The following TMEM64 variants were observed in gnomAD, a reference collection of about 807,000 sequenced individuals.
TMEM64 encodes the protein transmembrane protein 64.
Under a neutral mutation model 24.5 loss-of-function variants are expected in TMEM64, and 19 were observed. The ratio of observed to expected loss-of-function variants is 0.78; its 90% confidence interval spans 0.54 to 1.14. The LOEUF (loss-of-function observed/expected upper bound fraction) is 1.14, where lower values mean the gene tolerates loss of function less well. Among genes scored for constraint, TMEM64 ranks in the 50% most tolerant of loss-of-function variants. The pLI, the probability that TMEM64 is intolerant of heterozygous loss-of-function variation, is 0.00. For synonymous variants in TMEM64, 262 were observed against 224.7 expected, an observed-to-expected ratio of 1.17 and a Z score of -1.49; for missense variants, 487 against 493.0, an observed-to-expected ratio of 0.99 and a Z score of 0.12.
chr8:90,626,625 C>CTTTTT (rs1223612676), intron 2 of TMEM64, among the ~76,000 whole-genome samples: 4 of 112,536 alleles, frequency 3.6e-5, no homozygotes, highest in African/African-American at 1.3e-4. Flanking sequence ...CTTTTTTTTT[C>CTTTTT]TTTCTTTTTT....
intron 2 of TMEM64, among the ~76,000 whole-genome samples, chr8:90,630,698 T>C (rs1809423762): frequency 6.6e-6 from 1 of 151,330 alleles, no homozygotes; most frequent in African/African-American, 2.4e-5. Context: ...AATAAACATC[T>C]GAAAAAAAAA....
At chr8:90,638,768 T>C (rs925570062) in intron 1 of TMEM64, among the ~76,000 whole-genome samples, 2 of 152,190 alleles carry the variant, frequency 1.3e-5, no homozygotes, top group African/African-American at 4.8e-5. Flanking sequence ...CCATTTTTAA[T>C]CGGATTTTCA....
At chr8:90,636,435 T>C (rs1304703686) in intron 1 of TMEM64, among the ~76,000 whole-genome samples, 1 of 152,158 alleles carries the variant, frequency 6.6e-6, no homozygotes, top group Non-Finnish European at 1.5e-5. Context: ...TTTGTATTTT[T>C]AGTAGAGGCC....
At chr8:90,641,891 CAGCTTTGCAGCAGGTATTAT>C (rs1809610211) in intron 1 of TMEM64, among the ~76,000 whole-genome samples, 1 of 152,174 alleles carries the variant, frequency 6.6e-6, no homozygotes, top group African/African-American at 2.4e-5. Flanking sequence ...TATTTTATCA[CAGCTTTGCAGCAGGTATTAT>C]TAAACACATC....
At chr8:90,640,369 A>G (rs1235478889) in intron 1 of TMEM64, among the ~76,000 whole-genome samples, 1 of 152,238 alleles carries the variant, frequency 6.6e-6, no homozygotes, top group Non-Finnish European at 1.5e-5. Flanking sequence ...AGAACTCAAG[A>G]AAATGAGAAA....
chr8:90,645,669 C>T lies in TMEM64; in HGVS notation c.237G>A (p.Ser79=), dbSNP rs1809687086. The T allele has an allele frequency of 2.0e-6, 3 of 1,516,818 alleles. No individual in the cohort carries two copies. 94.0% of individuals were successfully genotyped at this position (1,516,818 alleles called of 1,614,324 possible). A position where few individuals can be genotyped will look rare whatever the true frequency, so the allele number is the denominator to read the frequency against. ...AGGCCCCGCCCGGCTCCGGCAGCTCCGAAGCCTCGGGCGGACCGTGGCGCT... is the reference window on the plus strand; with the variant it reads ...AGGCCCCGCCCGGCTCCGGCAGCTCTGAAGCCTCGGGCGGACCGTGGCGCT... ...YLERHGPPEA[S]ELPEPGGALA... is the part of the protein sequence containing the mutation. The change falls in exon 1 of 3, where the codon TCG becomes TCA. Residue 79 remains serine (S), a synonymous_variant. Transcript: ENST00000458549. The surrounding 1 kb of genome is among the most constrained non-coding windows in gnomAD (Gnocchi z 4.2).
intron 1 of TMEM64, among the ~76,000 whole-genome samples, chr8:90,632,613 C>A (rs964193802): frequency 5.9e-5 from 9 of 152,218 alleles, no homozygotes; most frequent in Non-Finnish European, 1.3e-4. Flanking sequence ...TGAGCCAGCA[C>A]GCCAGGCCCT....
At chr8:90,628,021 T>A (rs188790402) in intron 2 of TMEM64, among the ~76,000 whole-genome samples, 1 of 152,280 alleles carries the variant, frequency 6.6e-6, no homozygotes, top group African/African-American at 2.4e-5. Context: ...CATCTTTAAG[T>A]GGGACTTTCC....
intron 2 of TMEM64, among the ~76,000 whole-genome samples, chr8:90,629,796 A>G (rs1809412113): frequency 6.6e-6 from 1 of 152,162 alleles, no homozygotes; most frequent in Non-Finnish European, 1.5e-5. Flanking sequence ...AAATATTACA[A>G]AATTTTTCTT....
chr8:90,629,104 T>C (rs1809402260), intron 2 of TMEM64, among the ~76,000 whole-genome samples: 1 of 152,216 alleles, frequency 6.6e-6, no homozygotes, highest in East Asian at 1.9e-4. Context: ...GCTCTCTTTT[T>C]TTCCTTTTGT....
At chr8:90,629,902 C>T (rs1025040757) in intron 2 of TMEM64, among the ~76,000 whole-genome samples, 2 of 151,926 alleles carry the variant, frequency 1.3e-5, no homozygotes, top group African/African-American at 2.4e-5. Context: ...ACCTCATAAG[C>T]GCAAAGAAAA....
In TMEM64 at chr8:90,645,683, G is replaced by T; in HGVS notation, c.223C>A (p.Pro75Thr). The T allele has an allele frequency of 6.8e-7, 1 of 1,481,476 alleles. No homozygotes were observed. The highest frequency in any genetic ancestry group is 8.9e-7 in the Non-Finnish European group (1 of 1,124,850). 91.8% of individuals were successfully genotyped at this position (1,481,476 alleles called of 1,614,324 possible). Residue 75 changes from proline to threonine, a missense_variant, in exon 1 of 3, where the codon CCG becomes ACG. Around this residue, in one of 3 missense-constraint regions of TMEM64, gnomAD observed 419 missense variants for 407.5 expected, o/e 1.03. Coordinates refer to ENST00000458549, the MANE Select transcript of TMEM64 (RefSeq NM_001008495.4). The surrounding 1 kb of genome is among the most constrained non-coding windows in gnomAD (Gnocchi z 4.2). ...LLGAYLERHG[P>T]PEASELPEPG... ...TCCGGCAGCTCCGAAGCCTCGGGCGGACCGTGGCGCTCCAGATAGGCGCCG... is the reference window on the plus strand; with the variant it reads ...TCCGGCAGCTCCGAAGCCTCGGGCGTACCGTGGCGCTCCAGATAGGCGCCG...
rs1809313409 is a variant in TMEM64 at position 90,623,605 on chromosome 8, TTC to T, written c.*2064_*2065del. The T allele has an allele frequency of 6.6e-6, 1 of 152,570 alleles. No individual in the cohort carries two copies. The highest frequency in any genetic ancestry group is 6.5e-5 in the Admixed American group (1 of 15,274). 9.5% of individuals were successfully genotyped at this position (152,570 alleles called of 1,614,324 possible). A position where few individuals can be genotyped will look rare whatever the true frequency, so the allele number is the denominator to read the frequency against. On this transcript the variant is annotated 3_prime_UTR_variant, in exon 3 of 3. Coordinates refer to ENST00000458549, the MANE Select transcript of TMEM64 (RefSeq NM_001008495.4). ...AGATTGGCAGAATACAGAAAATTAT[TTC>T]TTTTACCTTTACATATTTATTGTTA...
Position 90,645,522 on chromosome 8 carries a change from C to G in TMEM64, c.384G>C (p.Val128=). 1 of 1,549,896 alleles carries G rather than the reference C, an allele frequency of 6.5e-7. No homozygotes were observed. The highest frequency in any genetic ancestry group is 2.0e-5 in the Admixed American group (1 of 51,008). The change falls in exon 1 of 3, where the codon GTG becomes GTC. Residue 128 remains valine, a synonymous_variant. Coordinates refer to ENST00000458549, the MANE Select transcript of TMEM64 (RefSeq NM_001008495.4). The surrounding 1 kb of genome is among the most constrained non-coding windows in gnomAD (Gnocchi z 4.2). ...GGGAAGCGAAGCACAGGGCGGCCAA[C>G]ACGCAGACCAGCACGAGGCTCCGGC... ...CWCRSLVLVC[V]LAALCFASLA...
At chr8:90,637,589 T>C (rs12543975) in intron 1 of TMEM64, among the ~76,000 whole-genome samples, 1,775 of 152,092 alleles carry the variant, frequency 0.012, 50 homozygotes, top group Admixed American at 0.053. Context: ...ATACATTTAA[T>C]TATATTATAT....
At chr8:90,643,836 T>C (rs1286271969) in intron 1 of TMEM64, among the ~76,000 whole-genome samples, 4 of 152,252 alleles carry the variant, frequency 2.6e-5, no homozygotes, top group Admixed American at 2.0e-4. Flanking sequence ...AGAAAACCCC[T>C]TATCTGTTTC....
intron 1 of TMEM64, among the ~76,000 whole-genome samples, chr8:90,644,231 C>T (rs932722190): frequency 6.6e-6 from 1 of 152,154 alleles, no homozygotes; most frequent in African/African-American, 2.4e-5. Flanking sequence ...TTTTTAAGTC[C>T]TTCACTTTCG....
Position 90,631,680 on chromosome 8 carries a change from G to T in TMEM64, c.823C>A (p.Leu275Met). The T allele has an allele frequency of 1.2e-6, 2 of 1,613,684 alleles. No individual in the cohort carries two copies. The highest frequency in any genetic ancestry group is 1.7e-6 in the Non-Finnish European group (2 of 1,179,646). ...AGCAGTCCAACCGAAGATGCCATCAGATAGTTGGGTAATGAGAGATCAGTA... is the reference window on the plus strand; with the variant it reads ...AGCAGTCCAACCGAAGATGCCATCATATAGTTGGGTAATGAGAGATCAGTA... ...SITDLSLPNY[L>M]MASSVGLLPT... Residue 275 changes from leucine to methionine, a missense_variant, in exon 2 of 3, where the codon CTG (leucine) becomes ATG (methionine). This residue lies in a region of TMEM64 where 419 missense variants were observed against 407.5 expected (regional missense o/e 1.03). Transcript: ENST00000458549.
intron 1 of TMEM64, among the ~76,000 whole-genome samples, chr8:90,632,013 A>T (rs978142077): frequency 3.3e-5 from 5 of 152,264 alleles, no homozygotes; most frequent in African/African-American, 1.2e-4. Flanking sequence ...ACAGTTTTGT[A>T]AGTCTTCCTC....
Sources: gnomAD v4.1 joint callset for allele counts (sites outside exome capture counted in the v4.1 genomes callset) on GRCh38, gnomAD v4.1.1 for gene constraint, gnomAD v4.1.1 regional missense constraint, Gnocchi (gnomAD v3.1) non-coding constraint, MANE v1.5 for transcripts, NCBI Gene and HGNC (gene_info 2026-07-23, HGNC 2026-07-21) for gene names.